The following ROBO1 variants were observed in gnomAD, a reference collection of about 807,000 sequenced individuals.
The protein encoded by ROBO1 is roundabout homolog 1.
Under a neutral mutation model 195.9 loss-of-function variants are expected in ROBO1, and 149 were observed. The observed-to-expected ratio is 0.76, with a 90% CI of 0.67 to 0.87. The LOEUF (loss-of-function observed/expected upper bound fraction) is 0.87. Among genes scored for constraint, ROBO1 ranks in the 40% least tolerant of loss-of-function variants. The pLI, the probability that ROBO1 is intolerant of heterozygous loss-of-function variation, is 0.00. For synonymous variants in ROBO1, 816 were observed against 733.2 expected (o/e 1.11, Z -1.82); for missense variants, 1,933 against 2,068.3 (o/e 0.93, Z 1.27).
At chr3:79,569,830 G>A (rs1363757302) in intron 2 of ROBO1, among the ~76,000 whole-genome samples, 1 of 152,012 alleles carries the variant, frequency 6.6e-6, no homozygotes, top group Non-Finnish European at 1.5e-5. Flanking sequence ...CTGGCACGGT[G>A]GCTCACTTCT....
At chr3:79,252,852 A>G (rs1361034467) in intron 2 of ROBO1, among the ~76,000 whole-genome samples, 1 of 152,170 alleles carries the variant, frequency 6.6e-6, no homozygotes, top group Non-Finnish European at 1.5e-5. Flanking sequence ...ATATGCAATC[A>G]TATCATTAAT....
intron 2 of ROBO1, among the ~76,000 whole-genome samples, chr3:79,309,545 A>G (rs1446696939): frequency 6.6e-6 from 1 of 152,142 alleles, no homozygotes; most frequent in Non-Finnish European, 1.5e-5. Context: ...GGTTGAGGCT[A>G]CAGTAAGCCA....
At chr3:79,046,500 A>G (rs2078596603) in intron 3 of ROBO1, among the ~76,000 whole-genome samples, 1 of 152,134 alleles carries the variant, frequency 6.6e-6, no homozygotes, top group East Asian at 1.9e-4. Context: ...AGTATTAACT[A>G]ACATGATCAC....
chr3:78,805,378 A>G (rs1436830807), intron 4 of ROBO1, among the ~76,000 whole-genome samples: 1 of 152,180 alleles, frequency 6.6e-6, no homozygotes, highest in Non-Finnish European at 1.5e-5. Flanking sequence ...AGTCACTAAA[A>G]AATGTAGAAT....
At chr3:79,199,451 C>T (rs2081718053) in intron 2 of ROBO1, among the ~76,000 whole-genome samples, 1 of 151,764 alleles carries the variant, frequency 6.6e-6, no homozygotes, top group Non-Finnish European at 1.5e-5. Context: ...GCTAAAATGG[C>T]TCCAACTGGA....
At chr3:78,599,920 A>G in intron 30 of ROBO1, 193 bp downstream of exon 30, 1 of 627,862 alleles carries the variant, frequency 1.6e-6, no homozygotes, top group Admixed American at 2.6e-5. Context: ...ACTGCCATTA[A>G]CATTTAAAAC....
chr3:79,449,489 T>C (rs992863456), intron 2 of ROBO1, among the ~76,000 whole-genome samples: 4 of 152,104 alleles, frequency 2.6e-5, no homozygotes, highest in African/African-American at 9.7e-5. Context: ...TATGTTCTGA[T>C]GAGAAAATAA....
chr3:79,241,129 C>T (rs2082508798), intron 2 of ROBO1, among the ~76,000 whole-genome samples: 1 of 152,128 alleles, frequency 6.6e-6, no homozygotes, highest in Non-Finnish European at 1.5e-5. Flanking sequence ...TAAATGATCT[C>T]ATTGTTTCCA....
chr3:79,243,227 C>G (rs1404971550), intron 2 of ROBO1, among the ~76,000 whole-genome samples: 1 of 151,998 alleles, frequency 6.6e-6, no homozygotes, highest in African/African-American at 2.4e-5. Context: ...TTAATCCAGT[C>G]TATCATTGTT....
intron 2 of ROBO1, among the ~76,000 whole-genome samples, chr3:79,558,109 A>G (rs2107698807): frequency 6.6e-6 from 1 of 152,280 alleles, no homozygotes; most frequent in South Asian, 2.1e-4. Context: ...TGAGCCTTGA[A>G]AAACAGGAGT....
At chr3:78,672,981 T>G (rs1220521963) in intron 10 of ROBO1, among the ~76,000 whole-genome samples, 1 of 152,148 alleles carries the variant, frequency 6.6e-6, no homozygotes, top group Non-Finnish European at 1.5e-5. Context: ...TCCAATACAG[T>G]AGCCAACAGC....
In ROBO1 at chr3:79,260,385, C is replaced by T. The variant is rs879411022; in HGVS notation, c.89-134846G>A. Among the ~76,000 whole-genome samples, 103 of 151,958 alleles carry T rather than the reference C, an allele frequency of 6.8e-4. 1 individual carries two copies. The highest frequency in any genetic ancestry group is 6.0e-3 in the Admixed American group (91 of 15,228). ...TGTATTCTAAATAGATATATATCTACGTTGTATATCTGCATGTGTATATAT... is the reference window on the plus strand; with the variant it reads ...TGTATTCTAAATAGATATATATCTATGTTGTATATCTGCATGTGTATATAT... On this transcript the variant is annotated intron_variant, in intron 2 of 30. Transcript: ENST00000464233.
intron 2 of ROBO1, among the ~76,000 whole-genome samples, chr3:79,139,960 A>T (rs1189883291): frequency 6.6e-6 from 1 of 152,174 alleles, no homozygotes; most frequent in South Asian, 2.1e-4. Context: ...CTACATTTTC[A>T]GGCACAAAAA....
In ROBO1 at chr3:78,974,760, CTAATA is replaced by C. The variant is rs1389480439; in HGVS notation, c.173-35838_173-35834del. ...CTGATTTTCTTTCTTGTTTTCATAC[CTAATA>C]TAAACTAACAGTATCTATTCCTATT... On this transcript the variant is annotated intron_variant, in intron 3 of 30. Transcript: ENST00000464233. Among the ~76,000 whole-genome samples the C allele has an allele frequency of 4.6e-5, 7 of 152,168 alleles. No individual in the cohort carries two copies. In the East Asian group the frequency reaches 1.4e-3, roughly 29 times the overall value.
chr3:79,235,888 A>G (rs555857207), intron 2 of ROBO1, among the ~76,000 whole-genome samples: 2 of 152,220 alleles, frequency 1.3e-5, no homozygotes, highest in South Asian at 4.2e-4. Flanking sequence ...AGCTATAGGT[A>G]TGGTATACTA....
intron 2 of ROBO1, among the ~76,000 whole-genome samples, chr3:79,374,662 C>T (rs2036320544): frequency 6.6e-6 from 1 of 152,128 alleles, no homozygotes; most frequent in Admixed American, 6.6e-5. Flanking sequence ...TTGCTACAAG[C>T]ATTGACCACA....
intron 2 of ROBO1, among the ~76,000 whole-genome samples, chr3:79,152,044 C>G (rs1353968437): frequency 6.6e-6 from 1 of 151,704 alleles, no homozygotes; most frequent in Non-Finnish European, 1.5e-5. Context: ...GTGATGTCTC[C>G]TTTCACTGGA....
chr3:79,367,838 A>G (rs2036035000), intron 2 of ROBO1, among the ~76,000 whole-genome samples: 1 of 152,224 alleles, frequency 6.6e-6, no homozygotes. Flanking sequence ...CATACATTTC[A>G]TGAAGATATA....
chr3:78,936,948 A>G (rs113409749), intron 4 of ROBO1, among the ~76,000 whole-genome samples: 21 of 152,288 alleles, frequency 1.4e-4, no homozygotes, highest in African/African-American at 5.0e-4. Flanking sequence ...GAGAATCAAG[A>G]CAATAAGAGA....
Sources: allele counts gnomAD v4.1 joint callset (sites outside exome capture counted in the v4.1 genomes callset), GRCh38; gene constraint gnomAD v4.1.1; transcripts MANE v1.5; gene names NCBI Gene and HGNC (gene_info 2026-07-23, HGNC 2026-07-21).